The following SLC9A9 variants were observed in gnomAD, a reference collection of about 807,000 sequenced individuals.
SLC9A9 encodes sodium/hydrogen exchanger 9.
In SLC9A9, 62 loss-of-function variants were observed where a neutral mutation model predicts 77.8. That is an observed-to-expected ratio of 0.80 (90% CI 0.65 to 0.98). The LOEUF is 0.98. Among genes scored for constraint, SLC9A9 ranks in the 50% least tolerant of loss-of-function variants. The pLI is 0.00. For missense variants in SLC9A9, 775 were observed against 774.9 expected (o/e 1.00, Z 0.00); for synonymous variants, 320 against 283.5 (o/e 1.13, Z -1.29).
At chr3:143,788,139 A>G (rs1354891054) in intron 4 of SLC9A9, among the ~76,000 whole-genome samples, 2 of 152,034 alleles carry the variant, frequency 1.3e-5, no homozygotes, top group Non-Finnish European at 2.9e-5. Context: ...GGGCCATACA[A>G]TAAGTGGTAT....
chr3:143,791,544 A>G (rs1412318146), intron 4 of SLC9A9, among the ~76,000 whole-genome samples: 1 of 152,116 alleles, frequency 6.6e-6, no homozygotes, highest in African/African-American at 2.4e-5. Context: ...ACTCTCTAGC[A>G]TTTTCATTCC....
rs201099852 is a variant in SLC9A9, at chr3:143,393,306, C to A, written c.1470-11192G>T. Among the ~76,000 whole-genome samples, 16 of 152,324 alleles carry A rather than the reference C, an allele frequency of 1.1e-4. No homozygotes were observed. In the East Asian group the frequency reaches 2.9e-3, roughly 28 times the overall value. On this transcript the variant is annotated intron_variant, in intron 12 of 15. Transcript: ENST00000316549. Reference sequence around the variant, plus strand: ...TCAGGATTAAGAAACTCACTCAAAACCACTCAACTACATGCAAACTGAACA... The same window carrying A: ...TCAGGATTAAGAAACTCACTCAAAAACACTCAACTACATGCAAACTGAACA...
intron 12 of SLC9A9, among the ~76,000 whole-genome samples, chr3:143,447,922 C>T (rs1363880897): frequency 6.6e-6 from 1 of 152,132 alleles, no homozygotes; most frequent in Non-Finnish European, 1.5e-5. Context: ...CTATTTCTGT[C>T]TCTTGCTCTA....
chr3:143,840,494 C>T (rs1190784163), intron 1 of SLC9A9, among the ~76,000 whole-genome samples: 1 of 152,226 alleles, frequency 6.6e-6, no homozygotes, highest in Non-Finnish European at 1.5e-5. Flanking sequence ...CAACCATAGG[C>T]ATTTAAAACC....
chr3:143,612,386 A>G (rs960300022), intron 6 of SLC9A9, among the ~76,000 whole-genome samples: 2 of 152,180 alleles, frequency 1.3e-5, no homozygotes, highest in Non-Finnish European at 2.9e-5. Context: ...GTGTCCTCAG[A>G]CAGTCTCTCT....
chr3:143,794,070 A>T (rs1266977478), intron 4 of SLC9A9, among the ~76,000 whole-genome samples: 1 of 152,220 alleles, frequency 6.6e-6, no homozygotes, highest in Non-Finnish European at 1.5e-5. Context: ...AAAGAAATTT[A>T]GCAGTGCATT....
At chr3:143,632,494 G>A (rs750777661) in intron 6 of SLC9A9, among the ~76,000 whole-genome samples, 6 of 152,032 alleles carry the variant, frequency 3.9e-5, no homozygotes, top group South Asian at 2.1e-4. Context: ...TACTGACCCC[G>A]TCACTTCTTG....
chr3:143,291,255 A>G (rs373711844), intron 14 of SLC9A9, among the ~76,000 whole-genome samples: 10 of 151,728 alleles, frequency 6.6e-5, no homozygotes, highest in African/African-American at 1.9e-4. Context: ...CCCAGTGTCC[A>G]CTCCCAGCTG....
At chr3:143,515,359 G>A (rs2036187937) in intron 9 of SLC9A9, among the ~76,000 whole-genome samples, 1 of 152,164 alleles carries the variant, frequency 6.6e-6, no homozygotes, top group Non-Finnish European at 1.5e-5. Flanking sequence ...ACATGCTGCT[G>A]GAAAGATGAG....
Position 143,266,795 on chromosome 3 carries a change from C to A in SLC9A9, c.1845G>T (p.Thr615=). The change falls in exon 16 of 16, where the codon ACG becomes ACT. Residue 615 remains threonine, a synonymous_variant. Transcript: ENST00000316549. ...CCTCATAAATGTTTTCCTTGCCTGGCGTCTGGGGTGAAGCTTTCTGGTCCA... is the reference window on the plus strand; with the variant it reads ...CCTCATAAATGTTTTCCTTGCCTGGAGTCTGGGGTGAAGCTTTCTGGTCCA... ...LGLDQKASPQ[T]PGKENIYEGD... 2 of 1,614,150 alleles carry A rather than the reference C, an allele frequency of 1.2e-6. No homozygotes were observed. The highest frequency in any genetic ancestry group is 1.7e-6 in the Non-Finnish European group (2 of 1,180,024).
At chr3:143,708,778 C>T (rs1269113548) in intron 4 of SLC9A9, among the ~76,000 whole-genome samples, 3 of 152,204 alleles carry the variant, frequency 2.0e-5, no homozygotes, top group African/African-American at 7.2e-5. Context: ...GTACCCATTA[C>T]CCAGTCCTGC....
intron 1 of SLC9A9, chr3:143,847,848 T>A: frequency 2.3e-6 from 1 of 437,018 alleles, no homozygotes; most frequent in Non-Finnish European, 4.2e-6. Context: ...CCAACATCAT[T>A]ACAAAAACAA....
At chr3:143,309,901 G>A (rs1559862074) in intron 14 of SLC9A9, among the ~76,000 whole-genome samples, 1 of 152,184 alleles carries the variant, frequency 6.6e-6, no homozygotes, top group Non-Finnish European at 1.5e-5. Flanking sequence ...ATGAAATCCT[G>A]TTGCTTCCTA....
In SLC9A9 at chr3:143,265,715, C is replaced by G. The variant is rs1937687545; in HGVS notation, c.*987G>C. 2.3e-6 allele frequency: 1 copy of G among 426,508 alleles called. No individual in the cohort carries two copies. Among genetic ancestry groups the G allele is most frequent in the African/African-American group, 2.0e-5 (1 of 49,254 alleles). 26.4% of individuals were successfully genotyped at this position (426,508 alleles called of 1,614,324 possible). A position where few individuals can be genotyped will look rare whatever the true frequency, so the allele number is the denominator to read the frequency against. On this transcript the variant is annotated 3_prime_UTR_variant, in exon 16 of 16. Transcript: ENST00000316549. ...TAAGGGGGAGACCTGAGGCCCTGTC[C>G]TTGGCTCCTCAGTGTAACCCACACA... is the stretch of plus-strand genomic sequence containing the variant.
At chr3:143,513,546 C>T (rs956619874) in intron 9 of SLC9A9, among the ~76,000 whole-genome samples, 3 of 152,174 alleles carry the variant, frequency 2.0e-5, no homozygotes, top group African/African-American at 4.8e-5. Flanking sequence ...GATATTTTGA[C>T]CTCCTTTCAT....
intron 14 of SLC9A9, among the ~76,000 whole-genome samples, chr3:143,322,122 G>C (rs1399167570): frequency 2.6e-5 from 4 of 152,216 alleles, no homozygotes; most frequent in East Asian, 3.8e-4. Flanking sequence ...TAATTCGCCA[G>C]TGTGATTATT....
At chr3:143,793,994 T>G (rs944245724) in intron 4 of SLC9A9, among the ~76,000 whole-genome samples, 1 of 152,228 alleles carries the variant, frequency 6.6e-6, no homozygotes, top group Non-Finnish European at 1.5e-5. Flanking sequence ...TTTAATTTTC[T>G]CACTGCCTTA....
intron 9 of SLC9A9, among the ~76,000 whole-genome samples, chr3:143,512,563 A>G (rs570921089): frequency 6.6e-6 from 1 of 152,370 alleles, no homozygotes; most frequent in South Asian, 2.1e-4. Flanking sequence ...TATTAAGTGT[A>G]CAATACCGTT....
chr3:143,459,362 T>A (rs1223062945), intron 12 of SLC9A9, among the ~76,000 whole-genome samples: 1 of 152,192 alleles, frequency 6.6e-6, no homozygotes, highest in African/African-American at 2.4e-5. Flanking sequence ...GGATCTGGAA[T>A]GTTAAGTGAC....
Sources: allele counts gnomAD v4.1 joint callset (sites outside exome capture counted in the v4.1 genomes callset), GRCh38; gene constraint gnomAD v4.1.1; transcripts MANE v1.5; gene names NCBI Gene and HGNC (gene_info 2026-07-23, HGNC 2026-07-21).